KLHL7: variants seen among roughly 807,000 people sequenced by gnomAD.
KLHL7 encodes kelch like family member 7.
In KLHL7, 44 loss-of-function variants were observed where a neutral mutation model predicts 67.4. The observed-to-expected ratio is 0.65, with a 90% confidence interval of 0.51 to 0.84. The LOEUF (loss-of-function observed/expected upper bound fraction) is 0.84, where lower values mean the gene tolerates loss of function less well. KLHL7 is among the 40% of genes least tolerant of loss of function. The probability of loss-of-function intolerance (pLI) is 0.00; values close to 1 mark genes in which losing one functional copy is unlikely to be tolerated. For missense variants in KLHL7, 362 were observed against 718.1 expected (o/e 0.50, Z 5.67); for synonymous variants, 252 against 243.3 (o/e 1.04, Z -0.33).
chr7:23,117,845 T>C, intron 1 of KLHL7: 3 of 1,611,540 alleles, frequency 1.9e-6, no homozygotes, highest in Non-Finnish European at 2.5e-6. Flanking sequence ...GATTTAAATC[T>C]ACCACCCAGC....
intron 4 of KLHL7, among the ~76,000 whole-genome samples, chr7:23,127,664 CA>C (rs1301796848): frequency 3.3e-5 from 5 of 152,050 alleles, no homozygotes; most frequent in African/African-American, 1.2e-4. Flanking sequence ...AAATTAAACC[CA>C]GTACCAGCCT....
chr7:23,118,475 A>C (rs573493921), intron 1 of KLHL7, among the ~76,000 whole-genome samples: 1 of 152,180 alleles, frequency 6.6e-6, no homozygotes, highest in African/African-American at 2.4e-5. Flanking sequence ...CCCTGCCCCA[A>C]TGATTGATGT....
intron 9 of KLHL7, 139 bp from the exon 10 acceptor site, chr7:23,172,809 C>T (rs1427554934): frequency 1.7e-5 from 11 of 643,880 alleles, no homozygotes; most frequent in East Asian, 2.8e-5. Context: ...TGTTTTCTAC[C>T]CTTCTAGACA....
At chr7:23,158,176 G>A (rs1784762910) in intron 7 of KLHL7, among the ~76,000 whole-genome samples, 1 of 152,054 alleles carries the variant, frequency 6.6e-6, no homozygotes. Flanking sequence ...TGTGTTGCCA[G>A]GGCTGGTCTT....
chr7:23,165,556 G>A (rs1784978566), intron 7 of KLHL7, 142 bp from the exon 8 acceptor site: 1 of 991,058 alleles, frequency 1.0e-6, no homozygotes, highest in Admixed American at 2.1e-5. Context: ...GATTAAATTG[G>A]TAATAGTCTC....
chr7:23,152,286 T>C, intron 7 of KLHL7, 77 bp downstream of exon 7: 2 of 1,258,920 alleles, frequency 1.6e-6, no homozygotes, highest in South Asian at 1.2e-5. Flanking sequence ...CAACTAGAAG[T>C]AGTAATAACT....
chr7:23,156,479 G>A (rs4722228), intron 7 of KLHL7, among the ~76,000 whole-genome samples: 140,764 of 152,148 alleles, frequency 0.93, 65,298 homozygotes, highest in East Asian at 0.99. Context: ...AATGTCTTAC[G>A]ATATTAATAC....
At chr7:23,117,558 C>T (rs1783146184) in intron 1 of KLHL7, among the ~76,000 whole-genome samples, 1 of 152,144 alleles carries the variant, frequency 6.6e-6, no homozygotes, top group Non-Finnish European at 1.5e-5. Context: ...ATATGTTTCC[C>T]TTAAGGAAGG....
In KLHL7 at chr7:23,143,898, C is replaced by T; in HGVS notation, c.666C>T (p.Arg222=). 1 of 1,614,140 alleles carries T rather than the reference C, an allele frequency of 6.2e-7. No individual in the cohort carries two copies. Among genetic ancestry groups the T allele is most frequent in the South Asian group, 1.1e-5 (1 of 91,090 alleles). Residue 222 remains arginine (R), a synonymous_variant, in exon 6 of 11, where the codon CGC becomes CGT. Transcript: ENST00000339077. ...VRWLKYDEPN[R]QPFMVDILAK... Reference sequence around the variant, plus strand: ...GGTTGAAATACGATGAACCTAATCGCCAGCCATTTATGGTTGATATCCTTG... The same window carrying T: ...GGTTGAAATACGATGAACCTAATCGTCAGCCATTTATGGTTGATATCCTTG...
At chr7:23,164,506 C>T (rs1412548599) in intron 7 of KLHL7, among the ~76,000 whole-genome samples, 1 of 152,102 alleles carries the variant, frequency 6.6e-6, no homozygotes, top group African/African-American at 2.4e-5. Context: ...CCCAGTTTTT[C>T]AAGTGTTTAT....
chr7:23,141,799 T>C (rs1784193767), intron 5 of KLHL7, among the ~76,000 whole-genome samples: 1 of 151,928 alleles, frequency 6.6e-6, no homozygotes, highest in South Asian at 2.1e-4. Flanking sequence ...ATTTTTTGTA[T>C]TTTTTAGTAG....
chr7:23,112,829 G>T (rs1782930021), intron 1 of KLHL7, among the ~76,000 whole-genome samples: 1 of 152,198 alleles, frequency 6.6e-6, no homozygotes, highest in Non-Finnish European at 1.5e-5. Context: ...GAGAAATTTG[G>T]CCTTGAAGGG....
intron 1 of KLHL7, among the ~76,000 whole-genome samples, chr7:23,108,537 C>A (rs941303097): frequency 3.9e-5 from 6 of 152,134 alleles, no homozygotes; most frequent in Admixed American, 3.9e-4. Flanking sequence ...ACCAGAGGTC[C>A]CCCCTTATGC....
intron 7 of KLHL7, among the ~76,000 whole-genome samples, chr7:23,160,268 A>G (rs1341138747): frequency 6.6e-6 from 1 of 152,250 alleles, no homozygotes; most frequent in Non-Finnish European, 1.5e-5. Flanking sequence ...CAGCACAGGG[A>G]TACTATATAC....
intron 4 of KLHL7, among the ~76,000 whole-genome samples, chr7:23,138,461 TAAAAAAAAAAAAA>T (rs60497553): frequency 1.6e-5 from 1 of 63,236 alleles, no homozygotes; most frequent in Non-Finnish European, 3.0e-5. Context: ...GACTCCATCT[TAAAAAAAAAAAAA>T]AAAAAAAAAA....
chr7:23,116,902 C>G (rs916393409), intron 1 of KLHL7, among the ~76,000 whole-genome samples: 3 of 152,112 alleles, frequency 2.0e-5, no homozygotes, highest in African/African-American at 7.2e-5. Context: ...AGCAATATCA[C>G]CTTGAAAATT....
intron 6 of KLHL7, among the ~76,000 whole-genome samples, chr7:23,144,246 T>G (rs1180229231): frequency 6.6e-6 from 1 of 152,248 alleles, no homozygotes; most frequent in African/African-American, 2.4e-5. Context: ...TACAAATTAC[T>G]TATGCTTTTC....
At chr7:23,142,689 A>G (rs1331228544) in intron 5 of KLHL7, among the ~76,000 whole-genome samples, 7 of 151,942 alleles carry the variant, frequency 4.6e-5, no homozygotes, top group Non-Finnish European at 5.9e-5. Flanking sequence ...TCTAATAAGT[A>G]ACACATCAGA....
In KLHL7 at chr7:23,140,535, C is replaced by T. The variant is rs903622058; in HGVS notation, c.443-234C>T. 14 of 496,044 alleles carry T rather than the reference C, an allele frequency of 2.8e-5. No individual in the cohort carries two copies. In the Admixed American group the frequency reaches 3.7e-4, roughly 13 times the overall value. The allele number at this position is 496,044 out of a possible 1,614,324, so 30.7% of individuals were successfully genotyped here. On this transcript the variant is annotated intron_variant, in intron 4 of 10. Coordinates refer to ENST00000339077, the MANE Select transcript of KLHL7 (RefSeq NM_001031710.3). The stretch of plus-strand genomic sequence containing the variant: ...TCGCGCCACTGCACTCCAGCCTGGG[C>T]GATGGAGCGAGACTCCGTCTCAAAA...
Sources: gnomAD v4.1 joint callset for allele counts (sites outside exome capture counted in the v4.1 genomes callset) on GRCh38, gnomAD v4.1.1 for gene constraint, MANE v1.5 for transcripts, NCBI Gene and HGNC (gene_info 2026-07-23, HGNC 2026-07-21) for gene names.